FUT9: variants seen among roughly 807,000 people sequenced by gnomAD.
FUT9 encodes 4-galactosyl-N-acetylglucosaminide 3-alpha-L-fucosyltransferase 9.
In FUT9, 15 loss-of-function variants were observed where a neutral mutation model predicts 29.7. The ratio of observed to expected loss-of-function variants is 0.51; its 90% CI spans 0.34 to 0.78. FUT9 has a LOEUF of 0.78. FUT9 is among the 30% of genes least tolerant of loss of function. The pLI, the probability that FUT9 is intolerant of heterozygous loss-of-function variation, is 0.01. For missense variants in FUT9, 319 were observed against 425.4 expected, an observed-to-expected ratio of 0.75 and a Z score of 2.20; for synonymous variants, 169 against 153.7, an observed-to-expected ratio of 1.10 and a Z score of -0.74.
At chr6:96,090,732 T>TA (rs925804898) in intron 1 of FUT9, among the ~76,000 whole-genome samples, 1 of 151,636 alleles carries the variant, frequency 6.6e-6, no homozygotes, top group Non-Finnish European at 1.5e-5. Context: ...AGACAATTAT[T>TA]AAAAAAAAGT....
chr6:96,151,499 T>C (rs1772674917), intron 2 of FUT9, among the ~76,000 whole-genome samples: 1 of 152,158 alleles, frequency 6.6e-6, no homozygotes, highest in South Asian at 2.1e-4. Context: ...CAGCCTTCTT[T>C]AAAGATTTTA....
chr6:96,066,170 A>C (rs138570986), intron 1 of FUT9, among the ~76,000 whole-genome samples: 140 of 152,204 alleles, frequency 9.2e-4, no homozygotes, highest in African/African-American at 3.2e-3. Flanking sequence ...GTAAGGAAAT[A>C]GTTAAGAAAG....
intron 1 of FUT9, among the ~76,000 whole-genome samples, chr6:96,056,007 G>A (rs1770760557): frequency 8.1e-6 from 1 of 122,748 alleles, no homozygotes; most frequent in Non-Finnish European, 1.8e-5. Flanking sequence ...TTGCATTTTA[G>A]TCTTGCATTT....
chr6:96,092,507 T>C (rs1366357219), intron 1 of FUT9, among the ~76,000 whole-genome samples: 8 of 152,162 alleles, frequency 5.3e-5, no homozygotes, highest in Non-Finnish European at 8.8e-5. Context: ...CTGCATCATC[T>C]GATTTTTGCT....
intron 2 of FUT9, among the ~76,000 whole-genome samples, chr6:96,153,225 T>G (rs899432649): frequency 6.6e-6 from 1 of 152,166 alleles, no homozygotes. Flanking sequence ...TAAACAACTT[T>G]TGAAGAGCAT....
intron 1 of FUT9, among the ~76,000 whole-genome samples, chr6:96,106,226 C>CCTTCCTTCCTTCCTTA: frequency 6.6e-6 from 1 of 151,512 alleles, no homozygotes. Flanking sequence ...TTCCTTCCTT[C>CCTTCCTTCCTTCCTTA]CTTCCTTCCT....
At chr6:96,187,925 C>T (rs1369548670) in intron 2 of FUT9, among the ~76,000 whole-genome samples, 3 of 152,062 alleles carry the variant, frequency 2.0e-5, no homozygotes, top group East Asian at 1.9e-4. Flanking sequence ...GGAGGGGATA[C>T]AACTATCACA....
chr6:96,195,132 A>C (rs1456814276), intron 2 of FUT9, among the ~76,000 whole-genome samples: 1 of 152,296 alleles, frequency 6.6e-6, no homozygotes, highest in South Asian at 2.1e-4. Context: ...GTACAGGAAA[A>C]GCGGTAGTTG....
intron 2 of FUT9, among the ~76,000 whole-genome samples, chr6:96,122,900 G>T (rs1772056454): frequency 6.6e-6 from 1 of 151,446 alleles, no homozygotes; most frequent in African/African-American, 2.4e-5. Context: ...CAAAAAAATA[G>T]CTGGGCGTGG....
chr6:96,137,113 T>C (rs1772362171), intron 2 of FUT9, among the ~76,000 whole-genome samples: 2 of 152,056 alleles, frequency 1.3e-5, no homozygotes, highest in African/African-American at 4.8e-5. Context: ...ACTTATTAAT[T>C]CCAGGCATAT....
At chr6:96,064,068 A>G (rs1770921187) in intron 1 of FUT9, among the ~76,000 whole-genome samples, 1 of 152,090 alleles carries the variant, frequency 6.6e-6, no homozygotes, top group South Asian at 2.1e-4. Flanking sequence ...AGTTCACAGG[A>G]CAGTTAGTGT....
chr6:96,102,924 T>A (rs1335226525), intron 1 of FUT9, among the ~76,000 whole-genome samples: 2 of 152,138 alleles, frequency 1.3e-5, no homozygotes, highest in Non-Finnish European at 2.9e-5. Flanking sequence ...ACATTACATA[T>A]GGAAACAGGA....
intron 1 of FUT9, among the ~76,000 whole-genome samples, chr6:96,043,339 C>T (rs574663013): frequency 4.3e-4 from 65 of 152,300 alleles, no homozygotes; most frequent in African/African-American, 1.3e-3. Flanking sequence ...CGTGAGCCAC[C>T]GCGCCCAGAC....
Position 96,206,400 on chromosome 6 carries a change from AT to A in FUT9, c.*2166del, listed in dbSNP as rs1562165696. 6.0e-6 allele frequency: 1 copy of A among 167,076 alleles called. No individual in the cohort carries two copies. The highest frequency in any genetic ancestry group is 2.4e-5 in the African/African-American group (1 of 41,460). 10.3% of individuals were successfully genotyped at this position (167,076 alleles called of 1,614,324 possible). A position where few individuals can be genotyped will look rare whatever the true frequency, so the allele number is the denominator to read the frequency against. ...TTTACTTTGTCAAATTTTTTGGTCT[AT>A]AAAAAGCATAGAGATCTAAAGAGGA... is the stretch of plus-strand genomic sequence containing the variant. On this transcript the variant is annotated 3_prime_UTR_variant, in exon 3 of 3. Transcript: ENST00000302103.
chr6:96,033,887 C>T (rs1488215080), intron 1 of FUT9, among the ~76,000 whole-genome samples: 1 of 151,412 alleles, frequency 6.6e-6, no homozygotes, highest in Non-Finnish European at 1.5e-5. Flanking sequence ...TATAAATACA[C>T]ACATTCATAA....
chr6:96,183,059 A>G (rs1429459496), intron 2 of FUT9, among the ~76,000 whole-genome samples: 1 of 151,854 alleles, frequency 6.6e-6, no homozygotes, highest in African/African-American at 2.4e-5. Flanking sequence ...TATTGATTCT[A>G]CCCATCCATG....
At chr6:96,039,095 A>G (rs1770410777) in intron 1 of FUT9, among the ~76,000 whole-genome samples, 1 of 152,056 alleles carries the variant, frequency 6.6e-6, no homozygotes, top group Admixed American at 6.5e-5. Context: ...AATCTCTAAG[A>G]GTAGATGCAT....
chr6:96,129,651 G>T (rs1414726469), intron 2 of FUT9, among the ~76,000 whole-genome samples: 4 of 151,932 alleles, frequency 2.6e-5, no homozygotes, highest in Non-Finnish European at 5.9e-5. Context: ...AACAAAAGTG[G>T]TTACCTCTTG....
intron 2 of FUT9, among the ~76,000 whole-genome samples, chr6:96,126,294 G>A (rs962217947): frequency 6.6e-6 from 1 of 152,164 alleles, no homozygotes; most frequent in Non-Finnish European, 1.5e-5. Flanking sequence ...AAGGCAAGGA[G>A]AGCCAGTGTG....
Sources: gnomAD v4.1 joint callset for allele counts (sites outside exome capture counted in the v4.1 genomes callset) on GRCh38, gnomAD v4.1.1 for gene constraint, MANE v1.5 for transcripts, NCBI Gene and HGNC (gene_info 2026-07-23, HGNC 2026-07-21) for gene names.